The following ANGPT4 variants were observed in gnomAD, a reference collection of about 807,000 sequenced individuals.
ANGPT4 encodes the protein angiopoietin-4.
Under a neutral mutation model 53.0 loss-of-function variants are expected in ANGPT4, and 50 were observed. That is an observed-to-expected ratio of 0.94 (90% CI 0.75 to 1.20). The LOEUF is 1.20. Among genes scored for constraint, ANGPT4 ranks in the 50% most tolerant of loss-of-function variants. ANGPT4 has a pLI of 0.00. For synonymous variants in ANGPT4, 251 were observed against 259.7 expected (o/e 0.97, Z 0.32); for missense variants, 648 against 637.1 (o/e 1.02, Z -0.18).
rs140722348 is a variant in ANGPT4, at chr20:875,188, T to C, written c.1221-774A>G. Among the ~76,000 whole-genome samples, 421 of 152,276 alleles carry C rather than the reference T, an allele frequency of 2.8e-3. 2 individuals carry two copies. Among genetic ancestry groups the C allele is most frequent in the South Asian group, 5.0e-3 (24 of 4,828 alleles). ...AAAGAAACCTGCTCAAGTCTCAGAA[T>C]GAATGAGGGTCAGAGCCACATGCCA... On this transcript the variant is annotated intron_variant, in intron 7 of 8. Coordinates refer to ENST00000381922, the MANE Select transcript of ANGPT4 (RefSeq NM_015985.4).
At chr20:875,221 G>A (rs768556178) in intron 7 of ANGPT4, among the ~76,000 whole-genome samples, 2 of 152,176 alleles carry the variant, frequency 1.3e-5, no homozygotes, top group Non-Finnish European at 2.9e-5. Flanking sequence ...CCAGCCTAGT[G>A]TGGCCTGACT....
At position 881,233 on chromosome 20, in the gene ANGPT4, A is replaced by G. The variant is rs760785353; in HGVS notation, c.889T>C (p.Ser297Pro). ...VFQDCAEIQR[S>P]GASASGVYTI... Reference sequence around the variant, plus strand: ...TAGACACCACTGGCACTGGCCCCAGAGCGCTGGATCTCTGCACAGTCCTGG... The same window carrying G: ...TAGACACCACTGGCACTGGCCCCAGGGCGCTGGATCTCTGCACAGTCCTGG... The change falls in exon 5 of 9, where the codon TCT becomes CCT. Residue 297 changes from serine (S) to proline (P), a missense_variant. Ser to Pro is a moderately conservative substitution (Grantham distance 74, BLOSUM62 -1). Coordinates refer to ENST00000381922, the MANE Select transcript of ANGPT4 (RefSeq NM_015985.4). The G allele has an allele frequency of 1.2e-6, 2 of 1,613,720 alleles. No individual in the cohort carries two copies. The highest frequency in any genetic ancestry group is 8.5e-7 in the Non-Finnish European group (1 of 1,179,814).
chr20:887,628 C>T (rs1247559501), intron 3 of ANGPT4, among the ~76,000 whole-genome samples: 1 of 125,026 alleles, frequency 8.0e-6, no homozygotes, highest in African/African-American at 3.1e-5. Context: ...ATCTAAACCT[C>T]ATGACCGCTT....
At position 870,346 on chromosome 20, in the gene ANGPT4, T is replaced by C. The variant is rs1980892436; in HGVS notation, c.*2614A>G. The C allele has an allele frequency of 6.6e-6, 1 of 152,002 alleles. No individual in the cohort carries two copies. The highest frequency in any genetic ancestry group is 1.9e-4 in the East Asian group (1 of 5,176). 9.4% of individuals were successfully genotyped at this position (152,002 alleles called of 1,614,324 possible). On this transcript the variant is annotated 3_prime_UTR_variant, in exon 9 of 9. Transcript: ENST00000381922. ...GAGTTTGAGACCAGCCTGGCCAACA[T>C]GGTGAAAACCCGTTTCTACTAAAAA...
chr20:878,723 C>A (rs1600042555), intron 6 of ANGPT4, among the ~76,000 whole-genome samples: 1 of 152,210 alleles, frequency 6.6e-6, no homozygotes, highest in East Asian at 1.9e-4. Context: ...TAAAGGCTCA[C>A]TGAGCCTTAC....
chr20:902,911 C>A (rs936852128), intron 1 of ANGPT4, among the ~76,000 whole-genome samples: 1 of 152,232 alleles, frequency 6.6e-6, no homozygotes, highest in South Asian at 2.1e-4. Flanking sequence ...CTGCTGTTGA[C>A]CCCAATTATA....
intron 1 of ANGPT4, among the ~76,000 whole-genome samples, chr20:891,811 G>GT: frequency 6.6e-6 from 1 of 152,332 alleles, no homozygotes; most frequent in East Asian, 1.9e-4. Flanking sequence ...CCTGGAGCGG[G>GT]TGCTTGTGGG....
intron 1 of ANGPT4, among the ~76,000 whole-genome samples, chr20:900,551 A>G (rs1255883721): frequency 2.6e-5 from 4 of 152,136 alleles, no homozygotes; most frequent in East Asian, 1.9e-4. Context: ...CCAAAATTCA[A>G]TTTGCAAATG....
chr20:904,628 T>G (rs1031752308), intron 1 of ANGPT4, among the ~76,000 whole-genome samples: 1 of 152,242 alleles, frequency 6.6e-6, no homozygotes, highest in Non-Finnish European at 1.5e-5. Context: ...ACACGTTTTT[T>G]TGGTCCTTTG....
At chr20:885,885 T>C (rs1981601970) in intron 3 of ANGPT4, among the ~76,000 whole-genome samples, 1 of 152,136 alleles carries the variant, frequency 6.6e-6, no homozygotes, top group Non-Finnish European at 1.5e-5. Flanking sequence ...AAAGTATTAA[T>C]GTAAATAAAG....
intron 4 of ANGPT4, among the ~76,000 whole-genome samples, chr20:883,064 G>A (rs1981474707): frequency 6.6e-6 from 1 of 152,240 alleles, no homozygotes; most frequent in Non-Finnish European, 1.5e-5. Context: ...GAACTCATCC[G>A]ATTCTCTGTG....
At chr20:906,143 GT>G (rs1458544136) in intron 1 of ANGPT4, among the ~76,000 whole-genome samples, 3 of 152,176 alleles carry the variant, frequency 2.0e-5, no homozygotes, top group African/African-American at 7.2e-5. Flanking sequence ...TTGTAGAAAC[GT>G]TAGTGTGACT....
chr20:912,213 T>A (rs935700615), intron 1 of ANGPT4, among the ~76,000 whole-genome samples: 1 of 152,158 alleles, frequency 6.6e-6, no homozygotes, highest in Non-Finnish European at 1.5e-5. Flanking sequence ...ACTGGGGGAA[T>A]GGCAGTCACA....
At chr20:893,546 C>T (rs983041472) in intron 1 of ANGPT4, among the ~76,000 whole-genome samples, 14 of 152,198 alleles carry the variant, frequency 9.2e-5, no homozygotes, top group South Asian at 2.1e-4. Flanking sequence ...GGGCTGAGAT[C>T]GGTCTTTGGA....
chr20:906,820 T>C (rs1982494338), intron 1 of ANGPT4, among the ~76,000 whole-genome samples: 1 of 152,242 alleles, frequency 6.6e-6, no homozygotes, highest in Non-Finnish European at 1.5e-5. Flanking sequence ...ATTGCTTTTC[T>C]TCTGGGTCAG....
At chr20:879,102 A>C (rs1300275741) in intron 6 of ANGPT4, among the ~76,000 whole-genome samples, 1 of 152,206 alleles carries the variant, frequency 6.6e-6, no homozygotes, top group Non-Finnish European at 1.5e-5. Context: ...AGTTCAAAAC[A>C]CTCATAACTT....
intron 3 of ANGPT4, among the ~76,000 whole-genome samples, chr20:886,748 C>T (rs758969900): frequency 5.3e-5 from 8 of 152,130 alleles, no homozygotes; most frequent in Non-Finnish European, 1.2e-4. Flanking sequence ...AGAGAAAAAC[C>T]GAATGGTTGT....
intron 1 of ANGPT4, among the ~76,000 whole-genome samples, chr20:902,179 T>C (rs150615848): frequency 2.6e-4 from 39 of 152,306 alleles, no homozygotes; most frequent in African/African-American, 8.7e-4. Context: ...TTACATTACC[T>C]ATATTGAAAT....
rs923641462 is a variant in ANGPT4, at chr20:914,899, C to T, written c.309+1007G>A. ...AGCATGACAGGGCATTCTACAGCAG[C>T]CCTGGTCTTGGGCCAAAACCACAGT... is the stretch of plus-strand genomic sequence containing the variant. On this transcript the variant is annotated intron_variant, in intron 1 of 8. Coordinates refer to ENST00000381922, the MANE Select transcript of ANGPT4 (RefSeq NM_015985.4). This position sits in a 1 kb window ranked among gnomAD's most constrained non-coding sequence, Gnocchi z 5.0. Among the ~76,000 whole-genome samples, 3 of 152,160 alleles carry T rather than the reference C, an allele frequency of 2.0e-5. No homozygotes were observed. The highest frequency in any genetic ancestry group is 2.9e-5 in the Non-Finnish European group (2 of 68,026).
Sources: gnomAD v4.1 joint callset for allele counts (sites outside exome capture counted in the v4.1 genomes callset) on GRCh38, gnomAD v4.1.1 for gene constraint, Gnocchi (gnomAD v3.1) non-coding constraint, MANE v1.5 for transcripts, NCBI Gene and HGNC (gene_info 2026-07-23, HGNC 2026-07-21) for gene names.